The following COL24A1 variants were observed in gnomAD, a reference collection of about 807,000 sequenced individuals.
COL24A1 encodes the protein collagen alpha-1(XXIV) chain.
Under a neutral mutation model 253.9 loss-of-function variants are expected in COL24A1, and 224 were observed. The ratio of observed to expected loss-of-function variants is 0.88; its 90% CI spans 0.79 to 0.99. COL24A1 has a LOEUF of 0.99. Among genes scored for constraint, COL24A1 ranks in the 50% least tolerant of loss-of-function variants. The pLI is 0.00. For synonymous variants in COL24A1, 685 were observed against 673.7 expected, an observed-to-expected ratio of 1.02 and a Z score of -0.26; for missense variants, 2,131 against 2,068.5, an observed-to-expected ratio of 1.03 and a Z score of -0.59.
At chr1:86,128,120 T>A (rs917657756) in intron 2 of COL24A1, among the ~76,000 whole-genome samples, 3 of 151,872 alleles carry the variant, frequency 2.0e-5, no homozygotes, top group Non-Finnish European at 2.9e-5. Context: ...CCCCACATAA[T>A]CAACAAAAAA....
intron 31 of COL24A1, among the ~76,000 whole-genome samples, chr1:85,891,062 T>A (rs1274200198): frequency 6.6e-6 from 1 of 151,568 alleles, no homozygotes; most frequent in African/African-American, 2.4e-5. Flanking sequence ...TTTTCTTTTT[T>A]TTTTTTGAGA....
At chr1:86,035,781 G>T (rs1464811413) in intron 12 of COL24A1, among the ~76,000 whole-genome samples, 1 of 152,064 alleles carries the variant, frequency 6.6e-6, no homozygotes, top group African/African-American at 2.4e-5. Flanking sequence ...GAGTGGGATT[G>T]CTGAAAAACC....
chr1:86,107,508 AATTTATTT>A (rs57193756), intron 5 of COL24A1, among the ~76,000 whole-genome samples: 30,521 of 144,982 alleles, frequency 0.21, 3,347 homozygotes, highest in South Asian at 0.28. Flanking sequence ...ACACAATGGT[AATTTATTT>A]ATTTATTTAT....
At chr1:85,986,097 T>G (rs1693698908) in intron 20 of COL24A1, among the ~76,000 whole-genome samples, 1 of 151,934 alleles carries the variant, frequency 6.6e-6, no homozygotes, top group Non-Finnish European at 1.5e-5. Flanking sequence ...TCCCTGACCC[T>G]GTGCTCTCAC....
At chr1:85,831,771 A>T (rs1377188213) in intron 43 of COL24A1, among the ~76,000 whole-genome samples, 4 of 152,070 alleles carry the variant, frequency 2.6e-5, no homozygotes. Flanking sequence ...TGGGAAATAA[A>T]GGGATGCATC....
intron 19 of COL24A1, among the ~76,000 whole-genome samples, chr1:85,992,700 A>G (rs945214765): frequency 6.6e-6 from 1 of 152,224 alleles, no homozygotes; most frequent in African/African-American, 2.4e-5. Flanking sequence ...AATCTGATAA[A>G]GATGCTCTAA....
chr1:85,769,729 G>A (rs1022903922), intron 53 of COL24A1, among the ~76,000 whole-genome samples: 5 of 152,128 alleles, frequency 3.3e-5, no homozygotes, highest in Non-Finnish European at 7.3e-5. Flanking sequence ...CAGGACATAG[G>A]TTCCCCCAGA....
Position 85,936,033 on chromosome 1 carries a change from C to T in COL24A1, c.2563-24600G>A, listed in dbSNP as rs965696922. ...TCCAAACATTTGGTTGGTCTCTTCCCTCCTTCTGGGGGATTGCAGAGAAGA... is the reference window on the plus strand; with the variant it reads ...TCCAAACATTTGGTTGGTCTCTTCCTTCCTTCTGGGGGATTGCAGAGAAGA... On this transcript the variant is annotated intron_variant, in intron 24 of 59. Coordinates refer to ENST00000370571, the MANE Select transcript of COL24A1 (RefSeq NM_152890.7). Among the ~76,000 whole-genome samples, 34 of 147,396 alleles carry T rather than the reference C, an allele frequency of 2.3e-4. 4 individuals are homozygous for T. Among genetic ancestry groups the T allele is most frequent in the African/African-American group, 8.5e-4 (34 of 40,198 alleles).
chr1:85,842,400 A>C lies in COL24A1; in HGVS notation c.3463-7T>G, dbSNP rs1395203689. 2 of 1,581,946 alleles carry C rather than the reference A, an allele frequency of 1.3e-6. No homozygotes were observed. Among genetic ancestry groups the C allele is most frequent in the Non-Finnish European group, 1.7e-6 (2 of 1,155,856 alleles). On this transcript the variant is annotated splice_region_variant and splice_polypyrimidine_tract_variant and intron_variant, in intron 39 of 59. Transcript: ENST00000370571. Reference sequence around the variant, plus strand: ...CCATCAATCCTAAATGTCCCTGAAAAACAAAGTAAATATTAGTGAGAGAGA... The same window carrying C: ...CCATCAATCCTAAATGTCCCTGAAACACAAAGTAAATATTAGTGAGAGAGA...
chr1:85,988,552 T>G (rs917205097), intron 19 of COL24A1, among the ~76,000 whole-genome samples: 2 of 152,072 alleles, frequency 1.3e-5, no homozygotes, highest in Non-Finnish European at 2.9e-5. Flanking sequence ...ATTTTATTGA[T>G]TTTGTCATAG....
At chr1:86,148,124 G>T (rs978537881) in intron 1 of COL24A1, among the ~76,000 whole-genome samples, 5 of 152,096 alleles carry the variant, frequency 3.3e-5, no homozygotes, top group Admixed American at 3.3e-4. Flanking sequence ...CTCCTGTTTG[G>T]ATCTTTTTAC....
intron 23 of COL24A1, among the ~76,000 whole-genome samples, chr1:85,962,062 C>T (rs1322780220): frequency 1.3e-5 from 2 of 152,074 alleles, no homozygotes; most frequent in African/African-American, 4.8e-5. Flanking sequence ...TTGAGGTGTA[C>T]TCTGTAAAAG....
intron 37 of COL24A1, among the ~76,000 whole-genome samples, chr1:85,861,816 A>G (rs913281655): frequency 6.6e-6 from 1 of 152,308 alleles, no homozygotes; most frequent in East Asian, 1.9e-4. Flanking sequence ...TTCATGATCT[A>G]CTTCCTACCT....
chr1:85,761,447 A>T (rs1666839211), intron 54 of COL24A1, 25 bp from the exon 55 acceptor site: 3 of 1,613,886 alleles, frequency 1.9e-6, no homozygotes, highest in Non-Finnish European at 2.5e-6. Flanking sequence ...ATTAAAAAAA[A>T]TACACATTTA....
chr1:85,785,094 G>C (rs1313972270), intron 48 of COL24A1, among the ~76,000 whole-genome samples: 2 of 152,196 alleles, frequency 1.3e-5, no homozygotes, highest in Middle Eastern at 3.4e-3. Flanking sequence ...AGATGATTCA[G>C]CTATCTAATA....
At chr1:86,063,485 T>C (rs1701254122) in intron 8 of COL24A1, among the ~76,000 whole-genome samples, 1 of 152,062 alleles carries the variant, frequency 6.6e-6, no homozygotes, top group Admixed American at 6.5e-5. Flanking sequence ...GCTACTAGTC[T>C]GAAACATATG....
chr1:85,802,451 C>T (rs529159105), intron 47 of COL24A1, among the ~76,000 whole-genome samples: 6 of 152,212 alleles, frequency 3.9e-5, no homozygotes, highest in South Asian at 4.1e-4. Context: ...GCTTTCTCCA[C>T]CTATAATTAT....
chr1:85,968,663 C>A (rs548278414), intron 22 of COL24A1, among the ~76,000 whole-genome samples: 1 of 152,148 alleles, frequency 6.6e-6, no homozygotes, highest in South Asian at 2.1e-4. Context: ...AAAACCAATT[C>A]TATTTTTATT....
At chr1:86,028,938 C>T (rs143258809) in intron 14 of COL24A1, among the ~76,000 whole-genome samples, 91 of 152,270 alleles carry the variant, frequency 6.0e-4, no homozygotes, top group African/African-American at 2.0e-3. Context: ...TGGGTAAGAA[C>T]TAAACCAGAC....
Sources: allele counts gnomAD v4.1 joint callset (sites outside exome capture counted in the v4.1 genomes callset), GRCh38; gene constraint gnomAD v4.1.1; transcripts MANE v1.5; gene names NCBI Gene and HGNC (gene_info 2026-07-23, HGNC 2026-07-21).